Variants in ADAMTS9 observed in about 807,000 individuals in gnomAD.
ADAMTS9 encodes the protein A disintegrin and metalloproteinase with thrombospondin motifs 9.
A neutral mutation model predicts 257.1 loss-of-function variants in ADAMTS9; 107 were observed. That is an observed-to-expected ratio of 0.42 (90% CI 0.36 to 0.49). The LOEUF is 0.49. Ranked by LOEUF, ADAMTS9 falls within the 20% of genes least tolerant of loss-of-function variation. The pLI, the probability that ADAMTS9 is intolerant of heterozygous loss-of-function variation, is 0.03. For missense variants in ADAMTS9, 2,353 were observed against 2,469.1 expected, an observed-to-expected ratio of 0.95 and a Z score of 1.00; for synonymous variants, 982 against 880.9, an observed-to-expected ratio of 1.11 and a Z score of -2.03.
chr3:64,550,112 A>C (rs1342645111), intron 31 of ADAMTS9: 1 of 152,210 alleles, frequency 6.6e-6, no homozygotes, highest in Non-Finnish European at 1.5e-5. Context: ...TACAGATATG[A>C]ACATATTACG....
chr3:64,602,004 G>A lies in ADAMTS9; in HGVS notation c.3957C>T (p.Ala1319=), dbSNP rs2084470723. The A allele has an allele frequency of 5.0e-6, 8 of 1,613,886 alleles. No individual in the cohort carries two copies. The highest frequency in any genetic ancestry group is 5.1e-6 in the Non-Finnish European group (6 of 1,179,952). ...CGAGCACATGGGTGCGGCTGGGGCT[G>A]GCGCTCCGGGGACGATAGTCCTCAT... ...FQNEDYRPRS[A]SPSRTHVLGG... Residue 1319 remains alanine (A), a synonymous_variant, in exon 26 of 40, where the codon GCC becomes GCT. Transcript: ENST00000498707.
intron 32 of ADAMTS9, among the ~76,000 whole-genome samples, chr3:64,543,429 T>A (rs533254755): frequency 1.3e-5 from 2 of 152,148 alleles, no homozygotes. Flanking sequence ...ATGATCAAGT[T>A]GGCTTCATCC....
chr3:64,647,195 T>C (rs918896473), intron 11 of ADAMTS9, among the ~76,000 whole-genome samples: 2 of 152,080 alleles, frequency 1.3e-5, no homozygotes, highest in Admixed American at 6.5e-5. Flanking sequence ...CCAATTTCCA[T>C]GTGTATTTTT....
chr3:64,629,988 T>G (rs537105811), intron 16 of ADAMTS9, among the ~76,000 whole-genome samples: 4 of 152,348 alleles, frequency 2.6e-5, no homozygotes, highest in African/African-American at 9.6e-5. Context: ...ATGCTTAGAT[T>G]AAGGGCCTCT....
intron 28 of ADAMTS9, chr3:64,589,749 C>T (rs543987813): frequency 2.0e-5 from 3 of 152,218 alleles, no homozygotes; most frequent in African/African-American, 4.8e-5. Flanking sequence ...TATCAATAGG[C>T]CTCCGGGTCA....
In ADAMTS9 at chr3:64,615,949, A is replaced by G; in HGVS notation, c.3024+11T>C. The G allele has an allele frequency of 6.2e-7, 1 of 1,612,544 alleles. No individual in the cohort carries two copies. Among genetic ancestry groups the G allele is most frequent in the Non-Finnish European group, 8.5e-7 (1 of 1,179,912 alleles). ...CATCCAAGAAGACTCTTTGAGTGAG[A>G]GCCAACTTACTTCAGTCCAGGCAGA... On this transcript the variant is annotated intron_variant, in intron 20 of 39. Coordinates refer to ENST00000498707, the MANE Select transcript of ADAMTS9 (RefSeq NM_182920.2).
chr3:64,527,691 G>A (rs2082927489), intron 38 of ADAMTS9, among the ~76,000 whole-genome samples: 1 of 151,876 alleles, frequency 6.6e-6, no homozygotes, highest in African/African-American at 2.4e-5. Context: ...GGACACTTAT[G>A]TATATATGAA....
In ADAMTS9 at chr3:64,632,057, G is replaced by A. The variant is rs549392554; in HGVS notation, c.2176-132C>T. On this transcript the variant is annotated intron_variant, in intron 14 of 39. Coordinates refer to ENST00000498707, the MANE Select transcript of ADAMTS9 (RefSeq NM_182920.2). The stretch of plus-strand genomic sequence containing the variant: ...AAGTCCTTTAAAACTTGGAAAGGTT[G>A]AAAACTGAAATTATATACTGCCTTG... 34 of 697,840 alleles carry A rather than the reference G, an allele frequency of 4.9e-5. 1 individual carries two copies. The South Asian group carries it at 6.6e-4, about 14-fold the overall frequency. 43.2% of individuals were successfully genotyped at this position (697,840 alleles called of 1,614,324 possible).
intron 30 of ADAMTS9, among the ~76,000 whole-genome samples, chr3:64,560,783 C>T (rs7615657): frequency 0.45 from 68,164 of 151,898 alleles, 15,761 homozygotes; most frequent in Non-Finnish European, 0.51. Flanking sequence ...GAATTTCCTG[C>T]CTTATTTTTC....
chr3:64,609,227 C>A (rs755337702), intron 22 of ADAMTS9, among the ~76,000 whole-genome samples: 3 of 152,016 alleles, frequency 2.0e-5, no homozygotes, highest in Non-Finnish European at 4.4e-5. Context: ...CAAGGATGCC[C>A]GCTTTCACCA....
At chr3:64,549,930 A>G (rs2083248273) in intron 31 of ADAMTS9, among the ~76,000 whole-genome samples, 2 of 152,352 alleles carry the variant, frequency 1.3e-5, no homozygotes, top group African/African-American at 4.8e-5. Flanking sequence ...GCAAATATTC[A>G]TCTCATTAAC....
chr3:64,541,430 T>C lies in ADAMTS9; in HGVS notation c.5293-16A>G, dbSNP rs149292557. 83 of 1,613,436 alleles carry C rather than the reference T, an allele frequency of 5.1e-5. No individual in the cohort carries two copies. The African/African-American group carries it at 9.7e-4, about 19-fold the overall frequency. ...CACAGAATATCTGAAAGACCATAAATAACCCATGAAGAGTGGCTCAGAAAT... is the reference window on the plus strand; with the variant it reads ...CACAGAATATCTGAAAGACCATAAACAACCCATGAAGAGTGGCTCAGAAAT... On this transcript the variant is annotated splice_polypyrimidine_tract_variant and intron_variant, in intron 34 of 39. Transcript: ENST00000498707.
In ADAMTS9 at chr3:64,615,460, G is replaced by T; in HGVS notation, c.3050C>A (p.Thr1017Asn). 21 of 1,613,476 alleles carry T rather than the reference G, an allele frequency of 1.3e-5. No individual in the cohort carries two copies. The highest frequency in any genetic ancestry group is 1.7e-5 in the Non-Finnish European group (20 of 1,179,750). The change falls in exon 21 of 40, where the codon ACC becomes AAC. Residue 1017 changes from threonine (T) to asparagine (N), a missense_variant. Thr to Asn is a moderately conservative substitution (Grantham distance 65). Around this residue, in one of 3 missense-constraint regions of ADAMTS9, gnomAD observed 1,402 missense variants for 1,441.4 expected, o/e 0.97. Transcript: ENST00000498707. ...TECSKSCDGG[T>N]QRRRAICVNT... is the part of the protein sequence containing the mutation. ...GACACAAATAGCCCTTCTCCTCTGG[G>T]TCCCACCGTCACAGCTTTTTGAACA...
intron 8 of ADAMTS9, among the ~76,000 whole-genome samples, chr3:64,652,102 CCTCT>C (rs1700945480): frequency 6.6e-6 from 1 of 152,198 alleles, no homozygotes; most frequent in Non-Finnish European, 1.5e-5. Flanking sequence ...GGTCACCTTC[CCTCT>C]CTCTGGATGA....
chr3:64,521,859 C>T (rs1261438457), intron 39 of ADAMTS9, among the ~76,000 whole-genome samples: 1 of 152,118 alleles, frequency 6.6e-6, no homozygotes, highest in East Asian at 1.9e-4. Context: ...TGGGTTCAAA[C>T]GAAGCCTACA....
Position 64,687,837 on chromosome 3 carries a change from C to A in ADAMTS9, c.-180G>T. 1 of 471,024 alleles carries A rather than the reference C, an allele frequency of 2.1e-6. No individual in the cohort carries two copies. The highest frequency in any genetic ancestry group is 3.8e-6 in the Non-Finnish European group (1 of 264,846). 29.2% of individuals were successfully genotyped at this position (471,024 alleles called of 1,614,324 possible). Reference sequence around the variant, plus strand: ...AGGGTCCCGTCTGCGCTCGGCTGAGCAACGCCGCCGCCTGCCGAGAGCTGA... The same window carrying A: ...AGGGTCCCGTCTGCGCTCGGCTGAGAAACGCCGCCGCCTGCCGAGAGCTGA... On this transcript the variant is annotated 5_prime_UTR_variant, in exon 1 of 40. Transcript: ENST00000498707. This position sits in a 1 kb window ranked among gnomAD's most constrained non-coding sequence, Gnocchi z 4.4.
chr3:64,619,114 A>T (rs1268644529), intron 19 of ADAMTS9, among the ~76,000 whole-genome samples: 1 of 152,206 alleles, frequency 6.6e-6, no homozygotes, highest in Admixed American at 6.5e-5. Flanking sequence ...TTTAGATCAC[A>T]TTCTATTATT....
At chr3:64,626,945 C>T (rs1032012818) in intron 16 of ADAMTS9, among the ~76,000 whole-genome samples, 5 of 152,166 alleles carry the variant, frequency 3.3e-5, no homozygotes, top group African/African-American at 1.2e-4. Flanking sequence ...GTCACTGAAG[C>T]CAAGGTTGTT....
intron 2 of ADAMTS9, 48 bp from the exon 3 acceptor site, chr3:64,681,411 T>C: frequency 6.4e-7 from 1 of 1,552,290 alleles, no homozygotes; most frequent in African/African-American, 1.4e-5. Context: ...ACTCAGTCAT[T>C]GGGAGGAAAA....
Sources: allele counts gnomAD v4.1 joint callset (sites outside exome capture counted in the v4.1 genomes callset), GRCh38; gene constraint gnomAD v4.1.1; regional missense constraint gnomAD v4.1.1; non-coding constraint Gnocchi (gnomAD v3.1); transcripts MANE v1.5; gene names NCBI Gene and HGNC (gene_info 2026-07-23, HGNC 2026-07-21).